GABRG3: variants seen among roughly 807,000 people sequenced by gnomAD.
The protein encoded by GABRG3 is gamma-aminobutyric acid receptor subunit gamma-3.
GABRG3 carries 25 observed loss-of-function variants against 48.8 expected under a neutral mutation model. The ratio of observed to expected loss-of-function variants is 0.51; its 90% CI spans 0.37 to 0.72. The LOEUF is 0.72. GABRG3 is among the 30% of genes least tolerant of loss of function. The pLI is 0.00. For synonymous variants in GABRG3, 227 were observed against 217.6 expected, an observed-to-expected ratio of 1.04 and a Z score of -0.38; for missense variants, 394 against 577.9, an observed-to-expected ratio of 0.68 and a Z score of 3.26.
At chr15:27,118,507 T>G (rs909506163) in intron 3 of GABRG3, among the ~76,000 whole-genome samples, 1 of 152,208 alleles carries the variant, frequency 6.6e-6, no homozygotes, top group Admixed American at 6.5e-5. Flanking sequence ...CATTTGTGCA[T>G]GTACTTAATA....
intron 5 of GABRG3, among the ~76,000 whole-genome samples, chr15:27,409,276 A>G (rs1172058160): frequency 1.3e-5 from 2 of 152,150 alleles, no homozygotes; most frequent in Admixed American, 6.5e-5. Context: ...TGTGCATGGC[A>G]TGCAATATAG....
intron 3 of GABRG3, among the ~76,000 whole-genome samples, chr15:27,127,100 C>A (rs1156416070): frequency 6.6e-6 from 1 of 152,136 alleles, no homozygotes; most frequent in Non-Finnish European, 1.5e-5. Context: ...AATTCCACTT[C>A]TAAGTGTATA....
intron 3 of GABRG3, among the ~76,000 whole-genome samples, chr15:27,237,823 A>G (rs1416356138): frequency 6.6e-6 from 1 of 152,216 alleles, no homozygotes; most frequent in Non-Finnish European, 1.5e-5. Context: ...GCCACGGCCC[A>G]TTCAACTGAC....
chr15:27,469,860 C>T lies in GABRG3; in HGVS notation c.575-10790C>T, dbSNP rs1315278315. 2.0e-5 allele frequency among the ~76,000 whole-genome samples: 3 copies of T among 152,196 alleles called. No individual in the cohort carries two copies. The East Asian group carries it at 5.8e-4, about 29-fold the overall frequency. On this transcript the variant is annotated intron_variant, in intron 5 of 9. Coordinates refer to ENST00000615808, the MANE Select transcript of GABRG3 (RefSeq NM_033223.5). ...TCTTGGGATAAGAACATATCATAGG[C>T]AGCCCTGTATAATTCTTTGCCTTAC...
intron 3 of GABRG3, among the ~76,000 whole-genome samples, chr15:27,234,074 A>G (rs1889884546): frequency 6.6e-6 from 1 of 152,186 alleles, no homozygotes; most frequent in Admixed American, 6.5e-5. Context: ...CTGTTAGTCT[A>G]AGGAGATTAA....
chr15:27,149,872 G>GC (rs1898278465), intron 3 of GABRG3, among the ~76,000 whole-genome samples: 1 of 152,174 alleles, frequency 6.6e-6, no homozygotes, highest in Admixed American at 6.5e-5. Flanking sequence ...TACCTGAGAA[G>GC]CTAGCCATAA....
chr15:27,530,014 CA>C (rs1891383325), intron 9 of GABRG3, among the ~76,000 whole-genome samples: 1 of 151,986 alleles, frequency 6.6e-6, no homozygotes, highest in Non-Finnish European at 1.5e-5. Flanking sequence ...AGACCTGTAG[CA>C]AGAATAATGC....
chr15:27,049,969 T>C (rs1595493801), intron 3 of GABRG3, among the ~76,000 whole-genome samples: 1 of 152,230 alleles, frequency 6.6e-6, no homozygotes, highest in African/African-American at 2.4e-5. Context: ...CCTGTGATGT[T>C]GTCTGAAATA....
chr15:27,407,271 C>T (rs984465669), intron 5 of GABRG3, among the ~76,000 whole-genome samples: 3 of 152,186 alleles, frequency 2.0e-5, no homozygotes, highest in Non-Finnish European at 4.4e-5. Flanking sequence ...CCACTTACTA[C>T]ACACCTACTG....
intron 5 of GABRG3, among the ~76,000 whole-genome samples, chr15:27,469,153 C>T (rs1202198434): frequency 6.6e-6 from 1 of 152,186 alleles, no homozygotes; most frequent in Admixed American, 6.5e-5. Flanking sequence ...CTCTAACAGA[C>T]ATGCCTCTGT....
intron 3 of GABRG3, among the ~76,000 whole-genome samples, chr15:27,298,826 T>A (rs937654852): frequency 6.6e-6 from 1 of 152,186 alleles, no homozygotes; most frequent in South Asian, 2.1e-4. Context: ...CCTAATGCTA[T>A]CCCGCCCCTA....
chr15:27,240,280 A>G (rs1023528878), intron 3 of GABRG3, among the ~76,000 whole-genome samples: 16 of 152,286 alleles, frequency 1.1e-4, no homozygotes, highest in Admixed American at 1.0e-3. Context: ...AGCAAAGGGC[A>G]GAGTTGGGGT....
intron 5 of GABRG3, among the ~76,000 whole-genome samples, chr15:27,368,980 C>G (rs1460840364): frequency 1.3e-5 from 2 of 152,174 alleles, no homozygotes; most frequent in Admixed American, 1.3e-4. Context: ...TTTATATTTT[C>G]TGAAACTTGA....
chr15:27,485,035 C>T (rs1462227889), intron 6 of GABRG3, among the ~76,000 whole-genome samples: 3 of 152,188 alleles, frequency 2.0e-5, no homozygotes, highest in Non-Finnish European at 4.4e-5. Flanking sequence ...TTGTGGGCTG[C>T]ACCTGGTGAC....
chr15:27,250,379 A>C (rs1385750906), intron 3 of GABRG3, among the ~76,000 whole-genome samples: 3 of 152,228 alleles, frequency 2.0e-5, no homozygotes, highest in African/African-American at 7.2e-5. Context: ...CACTGGCTGC[A>C]TTCCAAGTGC....
chr15:27,274,667 A>G (rs1464379659), intron 3 of GABRG3, among the ~76,000 whole-genome samples: 1 of 152,140 alleles, frequency 6.6e-6, no homozygotes, highest in Non-Finnish European at 1.5e-5. Context: ...TCCAAACCAT[A>G]GCAACCCTCA....
At chr15:27,054,039 C>A (rs1432775983) in intron 3 of GABRG3, among the ~76,000 whole-genome samples, 1 of 151,978 alleles carries the variant, frequency 6.6e-6, no homozygotes, top group Non-Finnish European at 1.5e-5. Flanking sequence ...AGGTGGATCA[C>A]CTGAGGTCAG....
intron 3 of GABRG3, among the ~76,000 whole-genome samples, chr15:27,256,268 CG>C (rs745965706): frequency 2.6e-5 from 4 of 151,718 alleles, no homozygotes; most frequent in Non-Finnish European, 4.4e-5. Context: ...TGGTGAAACC[CG>C]TCTCTACTAA....
intron 7 of GABRG3, among the ~76,000 whole-genome samples, chr15:27,521,583 G>A (rs1188022741): frequency 2.0e-5 from 3 of 151,998 alleles, no homozygotes; most frequent in South Asian, 2.1e-4. Context: ...AGTAGGCATG[G>A]ACTTTAACAA....
Sources: gnomAD v4.1 joint callset for allele counts (sites outside exome capture counted in the v4.1 genomes callset) on GRCh38, gnomAD v4.1.1 for gene constraint, MANE v1.5 for transcripts, NCBI Gene and HGNC (gene_info 2026-07-23, HGNC 2026-07-21) for gene names.